Variants in TMEM232 observed in about 807,000 individuals in gnomAD.
TMEM232 encodes the protein transmembrane protein 232.
A neutral mutation model predicts 78.8 loss-of-function variants in TMEM232; 80 were observed. The observed-to-expected ratio is 1.01, with a 90% confidence interval of 0.85 to 1.22. The LOEUF (loss-of-function observed/expected upper bound fraction) is 1.22. TMEM232 is among the 50% of genes most tolerant of loss of function. The pLI, the probability that TMEM232 is intolerant of heterozygous loss-of-function variation, is 0.00. For synonymous variants in TMEM232, 297 were observed against 254.3 expected, an observed-to-expected ratio of 1.17 and a Z score of -1.60; for missense variants, 881 against 742.2, an observed-to-expected ratio of 1.19 and a Z score of -2.17.
rs1464906465 is a variant in TMEM232, at chr5:110,693,061, GGC to G, written c.-12-25699_-12-25698del. On this transcript the variant is annotated intron_variant, in intron 1 of 13. Coordinates refer to ENST00000455884, the MANE Select transcript of TMEM232 (RefSeq NM_001039763.4). ...TAACTGGGAAGCACCCCCCAGTAGGGGCGGTCTGACACCTCACATGGCCGGGT... is the reference window on the plus strand; with the variant it reads ...TAACTGGGAAGCACCCCCCAGTAGGGGGTCTGACACCTCACATGGCCGGGT... Among the ~76,000 whole-genome samples, 4 of 152,282 alleles carry G rather than the reference GGC, an allele frequency of 2.6e-5. No individual in the cohort carries two copies. The South Asian group carries it at 8.3e-4, about 32-fold the overall frequency.
At chr5:110,529,910 C>T (rs1771177061) in intron 11 of TMEM232, among the ~76,000 whole-genome samples, 1 of 152,074 alleles carries the variant, frequency 6.6e-6, no homozygotes, top group African/African-American at 2.4e-5. Context: ...CTATTAATTC[C>T]TTTTCTTGTA....
chr5:110,600,484 AC>A (rs1394330392), intron 10 of TMEM232, among the ~76,000 whole-genome samples: 7 of 152,302 alleles, frequency 4.6e-5, no homozygotes, highest in Non-Finnish European at 8.8e-5. Context: ...AGGGGACATC[AC>A]CACTGATCCC....
chr5:110,472,112 C>T (rs533492607), intron 12 of TMEM232, among the ~76,000 whole-genome samples: 158 of 152,020 alleles, frequency 1.0e-3, no homozygotes, highest in African/African-American at 3.5e-3. Flanking sequence ...GTCGAACTGT[C>T]CTGATCTGCA....
intron 2 of TMEM232, among the ~76,000 whole-genome samples, chr5:110,656,103 A>T (rs551595158): frequency 4.6e-5 from 7 of 152,170 alleles, no homozygotes; most frequent in Non-Finnish European, 1.0e-4. Flanking sequence ...CTGAAAGGTT[A>T]TGTACAGCCA....
intron 3 of TMEM232, 42 bp from the exon 4 acceptor site, chr5:110,641,038 TA>T: frequency 8.4e-7 from 1 of 1,185,372 alleles, no homozygotes; most frequent in Non-Finnish European, 1.1e-6. Flanking sequence ...AAAATGTACA[TA>T]TTTTTATATA....
chr5:110,685,910 G>A (rs879584305), intron 1 of TMEM232, among the ~76,000 whole-genome samples: 1 of 152,134 alleles, frequency 6.6e-6, no homozygotes, highest in Admixed American at 6.6e-5. Flanking sequence ...TACATACTAT[G>A]TGATTTCATA....
At chr5:110,698,599 C>G (rs904558194) in intron 1 of TMEM232, among the ~76,000 whole-genome samples, 3 of 151,942 alleles carry the variant, frequency 2.0e-5, no homozygotes, top group Admixed American at 6.6e-5. Context: ...GTGTTTGATC[C>G]AACTCTAGGG....
chr5:110,549,508 G>A (rs758797707), intron 11 of TMEM232, among the ~76,000 whole-genome samples: 11 of 151,064 alleles, frequency 7.3e-5, no homozygotes, highest in East Asian at 3.9e-4. Context: ...TCAGCTACTC[G>A]GGAGGCTGAG....
exon 5 of TMEM232, chr5:110,387,943 C>T (rs79631046): frequency 0.047 from 7,204 of 152,778 alleles, 375 homozygotes; most frequent in African/African-American, 0.12. Context: ...CATCTGTTTC[C>T]TTGTGAAGTG....
At chr5:110,557,205 G>C (rs538509124) in intron 11 of TMEM232, among the ~76,000 whole-genome samples, 107 of 152,228 alleles carry the variant, frequency 7.0e-4, no homozygotes, top group African/African-American at 2.5e-3. Context: ...TTTCTAGTGA[G>C]TATCTCAGCT....
chr5:110,629,538 A>T (rs1253645072), intron 5 of TMEM232, among the ~76,000 whole-genome samples: 1 of 152,078 alleles, frequency 6.6e-6, no homozygotes, highest in Non-Finnish European at 1.5e-5. Context: ...TTGACAACTC[A>T]AGCTTTGCCT....
chr5:110,622,881 T>A (rs1171848735), intron 7 of TMEM232, among the ~76,000 whole-genome samples: 2 of 151,576 alleles, frequency 1.3e-5, no homozygotes, highest in African/African-American at 2.4e-5. Flanking sequence ...TTGGGAGATA[T>A]ACCTAATGCT....
intron 12 of TMEM232, among the ~76,000 whole-genome samples, chr5:110,484,947 G>T (rs1764300507): frequency 6.6e-6 from 1 of 151,948 alleles, no homozygotes; most frequent in African/African-American, 2.4e-5. Flanking sequence ...TCTTACTCCT[G>T]CAAGAATAGC....
intron 6 of TMEM232, 55 bp downstream of exon 6, chr5:110,627,726 C>A: frequency 5.8e-6 from 7 of 1,213,086 alleles, no homozygotes; most frequent in Non-Finnish European, 7.9e-6. Context: ...ACAGTCTGAG[C>A]TTATCAAAAT....
chr5:110,626,482 T>A (rs181944697), intron 6 of TMEM232, among the ~76,000 whole-genome samples: 3 of 152,194 alleles, frequency 2.0e-5, no homozygotes, highest in Admixed American at 1.3e-4. Context: ...TACCTTCTGT[T>A]CCCACCTCCA....
intron 12 of TMEM232, among the ~76,000 whole-genome samples, chr5:110,517,710 A>T (rs549880004): frequency 1.8e-4 from 28 of 152,338 alleles, no homozygotes; most frequent in Non-Finnish European, 3.5e-4. Flanking sequence ...CTGCTGAAAC[A>T]TTCTCATTTG....
In TMEM232 at chr5:110,398,654, T is replaced by C. The variant is rs1437983708; in HGVS notation, n.309-800A>G. On this transcript the variant is annotated intron_variant and non_coding_transcript_variant, in intron 2 of 8. Transcript: ENST00000507188. ...GAAGATGCAATAGTCTCAGAACATG[T>C]CCAGATGCTGAAGAGGTAACATCTC... 5.9e-5 allele frequency among the ~76,000 whole-genome samples: 9 copies of C among 152,272 alleles called. No homozygotes were observed. In the East Asian group the frequency reaches 1.5e-3, roughly 26 times the overall value.
In TMEM232 at chr5:110,549,440, T is replaced by C. The variant is rs368680635; in HGVS notation, c.1455+19007A>G. On this transcript the variant is annotated intron_variant, in intron 11 of 13. Transcript: ENST00000455884. ...GACCAGCCTGGGCAATACAGTGAGA[T>C]CCAATCTCTACAAAAAGTTAACAAA... Among the ~76,000 whole-genome samples, 8 of 151,290 alleles carry C rather than the reference T, an allele frequency of 5.3e-5. No homozygotes were observed. The East Asian group carries it at 1.6e-3, about 29-fold the overall frequency.
chr5:110,640,796 C>A, intron 4 of TMEM232, 95 bp downstream of exon 4: 1 of 818,638 alleles, frequency 1.2e-6, no homozygotes. Flanking sequence ...TTCTTGTCTT[C>A]TGCACAATTT....
Sources: gnomAD v4.1 joint callset for allele counts (sites outside exome capture counted in the v4.1 genomes callset) on GRCh38, gnomAD v4.1.1 for gene constraint, MANE v1.5 for transcripts, NCBI Gene and HGNC (gene_info 2026-07-23, HGNC 2026-07-21) for gene names.